LOC400499: variants seen among roughly 807,000 people sequenced by gnomAD.
chr16:11,392,847 CGTTTTT>C, the LOC400499 span: 7,972 of 973,806 alleles, frequency 8.2e-3, 176 homozygotes, highest in African/African-American at 0.058. Context: ...CAGGTTTTTT[CGTTTTT>C]GTTTTTGTTT....
chr16:11,405,162 C>G, the LOC400499 span, among the ~76,000 whole-genome samples: 1 of 152,188 alleles, frequency 6.6e-6, no homozygotes, highest in East Asian at 1.9e-4. Flanking sequence ...CCTCTCTGAG[C>G]CTCAGTTTCC....
chr16:11,378,138 C>T, the LOC400499 span, among the ~76,000 whole-genome samples: 3 of 152,114 alleles, frequency 2.0e-5, no homozygotes, highest in Non-Finnish European at 4.4e-5. Context: ...AGACTTGCCA[C>T]GTTGCCCAAG....
chr16:11,444,314 CTT>C, the LOC400499 span, among the ~76,000 whole-genome samples: 2 of 152,112 alleles, frequency 1.3e-5, no homozygotes, highest in African/African-American at 4.8e-5. Flanking sequence ...GTGAGGGTCA[CTT>C]GAGCTTGGGA....
chr16:11,470,534 C>G, the LOC400499 span: 15 of 152,362 alleles, frequency 9.8e-5, no homozygotes, highest in Admixed American at 6.5e-4. Flanking sequence ...AGGCTTCGGT[C>G]TCTTGTTGGG....
At chr16:11,450,755 G>A in the LOC400499 span, 27 of 1,536,168 alleles carry the variant, frequency 1.8e-5, 1 homozygote, top group South Asian at 1.5e-4. Flanking sequence ...AACACAGCTC[G>A]GTGTGGCCAG....
At chr16:11,508,093 G>C in the LOC400499 span, among the ~76,000 whole-genome samples, 1 of 152,198 alleles carries the variant, frequency 6.6e-6, no homozygotes, top group Non-Finnish European at 1.5e-5. Context: ...ATCTGGATGA[G>C]TCTTCAATCC....
At chr16:11,459,468 T>C in the LOC400499 span, among the ~76,000 whole-genome samples, 2 of 152,060 alleles carry the variant, frequency 1.3e-5, no homozygotes, top group Non-Finnish European at 2.9e-5. Context: ...AGTGCTGGGA[T>C]TACAGGCATG....
chr16:11,456,773 T>C, the LOC400499 span: 9,938 of 1,453,176 alleles, frequency 6.8e-3, 565 homozygotes, highest in African/African-American at 0.12. Flanking sequence ...GAAAAGGTGT[T>C]CCAGGAAGGA....
At chr16:11,481,132 G>T in the LOC400499 span, among the ~76,000 whole-genome samples, 3 of 152,198 alleles carry the variant, frequency 2.0e-5, no homozygotes, top group South Asian at 6.2e-4. Context: ...CCATTTACAT[G>T]AAATATCCAG....
chr16:11,396,771 C>T, the LOC400499 span: 223 of 995,536 alleles, frequency 2.2e-4, 1 homozygote, highest in East Asian at 7.2e-3. Flanking sequence ...CAGCTGCCAC[C>T]TCCCAGCCTC....
At chr16:11,386,179 A>G in the LOC400499 span, among the ~76,000 whole-genome samples, 2 of 152,202 alleles carry the variant, frequency 1.3e-5, no homozygotes, top group Admixed American at 6.5e-5. Context: ...TACCCTCTTC[A>G]GGGTAGGGAA....
chr16:11,437,784 G>A, the LOC400499 span, among the ~76,000 whole-genome samples: 4 of 152,118 alleles, frequency 2.6e-5, no homozygotes, highest in African/African-American at 4.8e-5. Context: ...CACAAGAATC[G>A]CTTGAACCTG....
chr16:11,518,509 C>G, the LOC400499 span, among the ~76,000 whole-genome samples: 1 of 152,062 alleles, frequency 6.6e-6, no homozygotes, highest in African/African-American at 2.4e-5. Context: ...TAGCCGGAGT[C>G]TTCCAGAACA....
At chr16:11,454,315 C>T in the LOC400499 span, among the ~76,000 whole-genome samples, 1 of 152,154 alleles carries the variant, frequency 6.6e-6, no homozygotes, top group African/African-American at 2.4e-5. Context: ...CTTGTGTTCC[C>T]CCAAAAGATT....
chr16:11,462,469 T>C, the LOC400499 span: 1,652 of 982,956 alleles, frequency 1.7e-3, 22 homozygotes, highest in African/African-American at 0.027. Flanking sequence ...TCACTTTGTC[T>C]CCCAAGCTGG....
the LOC400499 span, among the ~76,000 whole-genome samples, chr16:11,482,047 G>A: frequency 6.6e-6 from 1 of 152,238 alleles, no homozygotes; most frequent in African/African-American, 2.4e-5. Context: ...AACTGGATGT[G>A]ACTTCTACTG....
chr16:11,491,773 G>C, the LOC400499 span: 1 of 398,976 alleles, frequency 2.5e-6, no homozygotes, highest in Non-Finnish European at 4.4e-6. Context: ...CATCTCATCA[G>C]GGCCAGGTAG....
the LOC400499 span, among the ~76,000 whole-genome samples, chr16:11,482,204 G>T: frequency 6.6e-6 from 1 of 152,172 alleles, no homozygotes; most frequent in South Asian, 2.1e-4. Context: ...AAACAAGCAA[G>T]ATGAGCTCAA....
chr16:11,505,049 C>A, the LOC400499 span, among the ~76,000 whole-genome samples: 1 of 151,982 alleles, frequency 6.6e-6, no homozygotes. Flanking sequence ...AGGCAGGGGC[C>A]GGTGGCCGCA....
Sources: gnomAD v4.1 joint callset for allele counts (sites outside exome capture counted in the v4.1 genomes callset) on GRCh38, gnomAD v4.1.1 for gene constraint, MANE v1.5 for transcripts.